GLIS3: variants seen among roughly 807,000 people sequenced by gnomAD.
The protein encoded by GLIS3 is zinc finger protein GLIS3.
In GLIS3, 53 loss-of-function variants were observed where a neutral mutation model predicts 78.6. That is an observed-to-expected ratio of 0.67 (90% CI 0.54 to 0.85). The LOEUF (loss-of-function observed/expected upper bound fraction) is 0.85, where lower values mean the gene tolerates loss of function less well. Among genes scored for constraint, GLIS3 ranks in the 40% least tolerant of loss-of-function variants. The probability of loss-of-function intolerance (pLI) is 0.00; values close to 1 mark genes in which losing one functional copy is unlikely to be tolerated. For missense variants in GLIS3, 1,703 were observed against 1,231.1 expected, an observed-to-expected ratio of 1.38 and a Z score of -5.74; for synonymous variants, 684 against 509.9, an observed-to-expected ratio of 1.34 and a Z score of -4.60.
the GLIS3 span, among the ~76,000 whole-genome samples, chr9:4,405,273 G>C: frequency 6.6e-6 from 1 of 151,760 alleles, no homozygotes; most frequent in African/African-American, 2.4e-5. Flanking sequence ...AGAATCACTT[G>C]AACCCAGGCG....
chr9:3,949,156 G>A (rs959283635), intron 4 of GLIS3, among the ~76,000 whole-genome samples: 2 of 152,128 alleles, frequency 1.3e-5, no homozygotes, highest in African/African-American at 2.4e-5. Flanking sequence ...TGTCTCAGAA[G>A]GAATCCAGTT....
chr9:3,948,261 T>C (rs1400069596), intron 4 of GLIS3, among the ~76,000 whole-genome samples: 2 of 152,222 alleles, frequency 1.3e-5, no homozygotes, highest in Non-Finnish European at 2.9e-5. Flanking sequence ...CCGCTTGCTC[T>C]TCTCCTTTCT....
At chr9:4,294,397 T>C (rs1293449575) in intron 1 of GLIS3, among the ~76,000 whole-genome samples, 1 of 151,872 alleles carries the variant, frequency 6.6e-6, no homozygotes, top group Non-Finnish European at 1.5e-5. Context: ...TAATCCCAAC[T>C]ACTTGGGAGG....
the GLIS3 span, among the ~76,000 whole-genome samples, chr9:4,476,295 C>G: frequency 4.6e-5 from 7 of 152,044 alleles, no homozygotes; most frequent in Admixed American, 4.6e-4. Flanking sequence ...TATATCTTTA[C>G]TGGTGTATCT....
At chr9:4,164,340 G>C (rs906205158) in intron 2 of GLIS3, among the ~76,000 whole-genome samples, 1 of 152,188 alleles carries the variant, frequency 6.6e-6, no homozygotes, top group Non-Finnish European at 1.5e-5. Context: ...AGAGGACTTT[G>C]CTTTCAGTTT....
chr9:3,832,525 A>G (rs1018397794), intron 9 of GLIS3, among the ~76,000 whole-genome samples: 4 of 152,022 alleles, frequency 2.6e-5, no homozygotes, highest in Non-Finnish European at 2.9e-5. Context: ...CATTTACCCT[A>G]TTGGGGGCTC....
At chr9:4,393,381 C>T in the GLIS3 span, among the ~76,000 whole-genome samples, 2 of 152,080 alleles carry the variant, frequency 1.3e-5, no homozygotes, top group Non-Finnish European at 2.9e-5. Flanking sequence ...AAATGATATC[C>T]TCTTATATAA....
At chr9:3,943,063 T>G (rs537530161) in intron 4 of GLIS3, among the ~76,000 whole-genome samples, 4 of 152,236 alleles carry the variant, frequency 2.6e-5, no homozygotes, top group South Asian at 4.2e-4. Flanking sequence ...AGAAAGACTG[T>G]AGAAGCACAC....
the GLIS3 span, among the ~76,000 whole-genome samples, chr9:4,458,590 C>A: frequency 6.6e-6 from 1 of 152,076 alleles, no homozygotes; most frequent in Non-Finnish European, 1.5e-5. Context: ...GAGCTCAAGA[C>A]CAGCCTGGCC....
At chr9:4,427,291 C>T in the GLIS3 span, among the ~76,000 whole-genome samples, 1 of 152,166 alleles carries the variant, frequency 6.6e-6, no homozygotes, top group Admixed American at 6.6e-5. Flanking sequence ...AAGAACTCCC[C>T]TCTTCTCCAC....
At chr9:4,329,824 A>C (rs1336218413) in intron 2 of GLIS3, among the ~76,000 whole-genome samples, 2 of 152,168 alleles carry the variant, frequency 1.3e-5, no homozygotes, top group Non-Finnish European at 2.9e-5. Context: ...GATGAGGCCT[A>C]CTTCTGGTGC....
chr9:4,307,079 AACT>A (rs1817243816), intron 4 of GLIS3, among the ~76,000 whole-genome samples: 1 of 152,214 alleles, frequency 6.6e-6, no homozygotes, highest in Non-Finnish European at 1.5e-5. Flanking sequence ...CAATGATAAC[AACT>A]CACATTTATT....
intron 4 of GLIS3, among the ~76,000 whole-genome samples, chr9:3,968,221 C>G (rs1029049075): frequency 3.3e-5 from 5 of 152,124 alleles, no homozygotes; most frequent in Non-Finnish European, 7.4e-5. Context: ...GCAGAATGAT[C>G]GTCAGCAGGA....
intron 9 of GLIS3, among the ~76,000 whole-genome samples, chr9:3,841,346 A>G (rs1314267329): frequency 6.6e-6 from 1 of 152,210 alleles, no homozygotes; most frequent in Non-Finnish European, 1.5e-5. Context: ...CTCAAAACCA[A>G]GAACTCCTGA....
At chr9:4,389,440 C>G in the GLIS3 span, among the ~76,000 whole-genome samples, 12 of 152,256 alleles carry the variant, frequency 7.9e-5, no homozygotes, top group South Asian at 2.5e-3. Flanking sequence ...CTGGATATCG[C>G]ACAGTGCATA....
At chr9:3,922,580 G>A (rs977817093) in intron 6 of GLIS3, among the ~76,000 whole-genome samples, 21 of 152,152 alleles carry the variant, frequency 1.4e-4, no homozygotes, top group African/African-American at 5.1e-4. Flanking sequence ...AGGGAGTGGT[G>A]AAGGGGAAAT....
intron 6 of GLIS3, among the ~76,000 whole-genome samples, chr9:3,929,957 G>GTCTA (rs1825509951): frequency 6.6e-6 from 1 of 152,014 alleles, no homozygotes; most frequent in African/African-American, 2.4e-5. Flanking sequence ...TCTCTCCAAG[G>GTCTA]TCTAGTAACA....
chr9:3,953,256 T>C (rs955746304), intron 4 of GLIS3, among the ~76,000 whole-genome samples: 1 of 152,196 alleles, frequency 6.6e-6, no homozygotes, highest in African/African-American at 2.4e-5. Flanking sequence ...ATAGAATCTT[T>C]TGAGAATATT....
At chr9:4,254,916 G>C (rs1301975638) in intron 2 of GLIS3, among the ~76,000 whole-genome samples, 1 of 151,500 alleles carries the variant, frequency 6.6e-6, no homozygotes, top group Non-Finnish European at 1.5e-5. Context: ...AGAAGCCACA[G>C]ACTAAGAGAA....
Sources: gnomAD v4.1 joint callset for allele counts (sites outside exome capture counted in the v4.1 genomes callset) on GRCh38, gnomAD v4.1.1 for gene constraint, MANE v1.5 for transcripts, NCBI Gene and HGNC (gene_info 2026-07-23, HGNC 2026-07-21) for gene names.